LAMA3: variants seen among roughly 807,000 people sequenced by gnomAD.
The protein encoded by LAMA3 is laminin subunit alpha 3.
In LAMA3, 281 loss-of-function variants were observed where a neutral mutation model predicts 402.0. The observed-to-expected ratio is 0.70, with a 90% confidence interval of 0.63 to 0.77. The LOEUF (loss-of-function observed/expected upper bound fraction) is 0.77. Ranked by LOEUF, LAMA3 falls within the 30% of genes least tolerant of loss-of-function variation. The probability of loss-of-function intolerance (pLI) is 0.00; values close to 1 mark genes in which losing one functional copy is unlikely to be tolerated. For synonymous variants in LAMA3, 1,431 were observed against 1,558.4 expected (o/e 0.92, Z 1.93); for missense variants, 3,840 against 4,215.5 (o/e 0.91, Z 2.47).
chr18:23,953,704 T>C (rs749905423), intron 74 of LAMA3, among the ~76,000 whole-genome samples: 1 of 152,168 alleles, frequency 6.6e-6, no homozygotes, highest in Non-Finnish European at 1.5e-5. Flanking sequence ...CTGATACCAG[T>C]AAAGAGTCAG....
intron 24 of LAMA3, 160 bp downstream of exon 24, chr18:23,834,148 G>C: frequency 2.6e-6 from 2 of 764,798 alleles, no homozygotes; most frequent in Admixed American, 2.0e-5. Context: ...CATCACCAGT[G>C]TGGGTATTGG....
Position 23,882,008 on chromosome 18 carries a change from G to A in LAMA3, c.5185G>A (p.Gly1729Arg), listed in dbSNP as rs764402291. 21 of 1,613,750 alleles carry A rather than the reference G, an allele frequency of 1.3e-5. No homozygotes were observed. The Admixed American group carries it at 1.8e-4, about 14-fold the overall frequency. ...QEGYYGNAVH[G>R]SCRACPCPHT... ...GGGCTACTATGGCAACGCCGTCCAC[G>A]GATCCTGCAGGGCCTGCCCATGTCC... Residue 1729 changes from glycine (G) to arginine (R), a missense_variant, in exon 40 of 75, where the codon GGA becomes AGA. Coordinates refer to ENST00000313654, the MANE Select transcript of LAMA3 (RefSeq NM_198129.4).
At position 23,904,588 on chromosome 18, in the gene LAMA3, G is replaced by C. The variant is rs148728856; in HGVS notation, c.6509G>C (p.Arg2170Pro). ...AACGCCAGCGGGGATGAGCTGGTGCGCTGTGCTGTGGATGCCGCCACCGCC... is the reference window on the plus strand; with the variant it reads ...AACGCCAGCGGGGATGAGCTGGTGCCCTGTGCTGTGGATGCCGCCACCGCC... ...KRNASGDELV[R>P]CAVDAATAYE... The change falls in exon 51 of 75, where the codon CGC (arginine) becomes CCC (proline). Residue 2170 changes from arginine to proline, a missense_variant. This residue lies in a region of LAMA3 where 891 missense variants were observed against 857.5 expected (regional missense o/e 1.04). Coordinates refer to ENST00000313654, the MANE Select transcript of LAMA3 (RefSeq NM_198129.4). The C allele has an allele frequency of 4.7e-5, 76 of 1,609,330 alleles. No homozygotes were observed. The highest frequency in any genetic ancestry group is 5.9e-5 in the Non-Finnish European group (70 of 1,178,068).
At chr18:23,820,324 G>C (rs2063260574) in intron 19 of LAMA3, among the ~76,000 whole-genome samples, 1 of 152,176 alleles carries the variant, frequency 6.6e-6, no homozygotes, top group Non-Finnish European at 1.5e-5. Context: ...ATGACGTTAG[G>C]CTGTACTAGA....
chr18:23,712,461 A>G (rs1432899688), intron 1 of LAMA3, among the ~76,000 whole-genome samples: 1 of 151,380 alleles, frequency 6.6e-6, no homozygotes, highest in Non-Finnish European at 1.5e-5. Context: ...TTTTTGAGAA[A>G]TGGCTGATGG....
rs780142160 is a variant in LAMA3, at chr18:23,912,761, G to A, written c.7209G>A (p.Leu2403=). 2 of 1,614,072 alleles carry A rather than the reference G, an allele frequency of 1.2e-6. No homozygotes were observed. The highest frequency in any genetic ancestry group is 1.7e-6 in the Non-Finnish European group (2 of 1,179,920). The change falls in exon 56 of 75, where the codon CTG becomes CTA. Residue 2403 remains leucine, a synonymous_variant. Transcript: ENST00000313654. The part of the protein sequence containing the change: ...FNGKSGVEVR[L]PNDLEDLKGY... The stretch of plus-strand genomic sequence containing the variant: ...GTAAATCTGGAGTCGAAGTCCGACT[G>A]CCAAATGACCTGGAAGATTTGAAAG...
In LAMA3 at chr18:23,839,717, C is replaced by A; in HGVS notation, c.3192-68C>A. 1 of 1,551,834 alleles carries A rather than the reference C, an allele frequency of 6.4e-7. No individual in the cohort carries two copies. On this transcript the variant is annotated intron_variant, in intron 26 of 74. Coordinates refer to ENST00000313654, the MANE Select transcript of LAMA3 (RefSeq NM_198129.4). The surrounding 1 kb of genome is among the most constrained non-coding windows in gnomAD (Gnocchi z 4.5). ...GTCCTATGCTCCAAGTCTGTCTCTT[C>A]ACTGATGGTCAGTTCTGTAGCTTTG...
chr18:23,929,990 A>G (rs2082116680), intron 64 of LAMA3, among the ~76,000 whole-genome samples: 1 of 152,238 alleles, frequency 6.6e-6, no homozygotes, highest in South Asian at 2.1e-4. Context: ...AAAGATACAT[A>G]TAAGTTAGCA....
intron 12 of LAMA3, among the ~76,000 whole-genome samples, chr18:23,801,073 G>C (rs1270287937): frequency 6.6e-6 from 1 of 152,074 alleles, no homozygotes; most frequent in East Asian, 1.9e-4. Flanking sequence ...AAGGAAATAT[G>C]GTACTTATAC....
chr18:23,850,583 G>T (rs1056175873), intron 32 of LAMA3, among the ~76,000 whole-genome samples: 1 of 152,098 alleles, frequency 6.6e-6, no homozygotes, highest in Non-Finnish European at 1.5e-5. Context: ...TTGTATCACG[G>T]ACTATATTGT....
intron 59 of LAMA3, among the ~76,000 whole-genome samples, chr18:23,916,094 A>G (rs1041488692): frequency 1.3e-5 from 2 of 151,784 alleles, no homozygotes; most frequent in Non-Finnish European, 2.9e-5. Flanking sequence ...AAAATGTGCC[A>G]TGACTTTTTT....
intron 38 of LAMA3, chr18:23,872,769 G>C (rs939184730): frequency 2.7e-5 from 13 of 481,502 alleles, no homozygotes; most frequent in Non-Finnish European, 4.2e-5. Flanking sequence ...CCCTGCCCGT[G>C]ACTCAGCCTG....
chr18:23,750,041 C>A (rs1223182693), intron 4 of LAMA3, among the ~76,000 whole-genome samples: 1 of 152,172 alleles, frequency 6.6e-6, no homozygotes, highest in Non-Finnish European at 1.5e-5. Flanking sequence ...AGCCTGCTTC[C>A]CTGAATGACT....
intron 46 of LAMA3, 61 bp downstream of exon 46, chr18:23,899,126 T>C: frequency 7.4e-7 from 1 of 1,354,318 alleles, no homozygotes; most frequent in Admixed American, 1.8e-5. Flanking sequence ...CATTGTACAC[T>C]AAAAGAATTC....
chr18:23,741,751 G>A (rs1009588), intron 2 of LAMA3, among the ~76,000 whole-genome samples: 72,970 of 152,052 alleles, frequency 0.48, 19,319 homozygotes, highest in Non-Finnish European at 0.61. Flanking sequence ...ATCTTTTGAA[G>A]CAAGTGATGA....
chr18:23,851,068 G>A (rs753418504), intron 32 of LAMA3, among the ~76,000 whole-genome samples: 5 of 152,334 alleles, frequency 3.3e-5, no homozygotes, highest in South Asian at 2.1e-4. Context: ...AAAGGTCATC[G>A]ACTTGGTGTT....
At chr18:23,884,171 A>G (rs1011257997) in intron 40 of LAMA3, among the ~76,000 whole-genome samples, 4 of 151,684 alleles carry the variant, frequency 2.6e-5, no homozygotes, top group African/African-American at 9.7e-5. Flanking sequence ...GTAAAATATC[A>G]CCACTTTAGA....
chr18:23,774,912 G>A (rs2062280723), intron 9 of LAMA3, among the ~76,000 whole-genome samples: 1 of 152,184 alleles, frequency 6.6e-6, no homozygotes, highest in Non-Finnish European at 1.5e-5. Flanking sequence ...ATTGGGAAAG[G>A]AAAACAGGAC....
chr18:23,945,538 A>G (rs2082680276), intron 69 of LAMA3, among the ~76,000 whole-genome samples: 1 of 152,178 alleles, frequency 6.6e-6, no homozygotes, highest in Admixed American at 6.5e-5. Context: ...GGCCTGTCAG[A>G]CCTTCAAGCC....
Sources: gnomAD v4.1 joint callset for allele counts (sites outside exome capture counted in the v4.1 genomes callset) on GRCh38, gnomAD v4.1.1 for gene constraint, gnomAD v4.1.1 regional missense constraint, Gnocchi (gnomAD v3.1) non-coding constraint, MANE v1.5 for transcripts, NCBI Gene and HGNC (gene_info 2026-07-23, HGNC 2026-07-21) for gene names.